The following BRD4 variants were observed in gnomAD, a reference collection of about 807,000 sequenced individuals.
BRD4 encodes the protein bromodomain containing 4, also known as bromodomain-containing protein 4.
In BRD4, 16 loss-of-function variants were observed where a neutral mutation model predicts 142.1. That is an observed-to-expected ratio of 0.11 (90% CI 0.08 to 0.17). The LOEUF (loss-of-function observed/expected upper bound fraction) is 0.17. Ranked by LOEUF, BRD4 falls within the 10% of genes least tolerant of loss-of-function variation. BRD4 has a pLI of 1.00. For missense variants in BRD4, 1,424 were observed against 1,810.9 expected (o/e 0.79, Z 3.88); for synonymous variants, 833 against 707.5 (o/e 1.18, Z -2.82).
intron 2 of BRD4, among the ~76,000 whole-genome samples, chr19:15,270,417 G>C (rs945412277): frequency 3.9e-5 from 6 of 152,194 alleles, no homozygotes; most frequent in African/African-American, 9.7e-5. Flanking sequence ...TGGTCAAGAG[G>C]GGAGACTGGA....
Position 15,265,600 on chromosome 19 carries a change from T to C in BRD4, c.603A>G (p.Gln201=), listed in dbSNP as rs1310310130. 1 of 1,614,030 alleles carries C rather than the reference T, an allele frequency of 6.2e-7. No homozygotes were observed. Among genetic ancestry groups the C allele is most frequent in the African/African-American group, 1.3e-5 (1 of 74,894 alleles). The part of the protein sequence containing the change: ...PGVSTVPNTT[Q]ASTPPQTQTP... ...TCTGGGTCTGCGGAGGAGTCGATGCTTGAGTTGTGTTTGGTACCGTGGAAA... is the reference window on the plus strand; with the variant it reads ...TCTGGGTCTGCGGAGGAGTCGATGCCTGAGTTGTGTTTGGTACCGTGGAAA... Residue 201 remains glutamine, a synonymous_variant, in exon 5 of 20, where the codon CAA becomes CAG. Transcript: ENST00000679869.
intron 1 of BRD4, among the ~76,000 whole-genome samples, chr19:15,329,649 G>A (rs1330546987): frequency 6.6e-6 from 1 of 152,178 alleles, no homozygotes; most frequent in Non-Finnish European, 1.5e-5. Flanking sequence ...TGAGGCAGGA[G>A]ACTCGCTTGA....
intron 11 of BRD4, chr19:15,247,365 T>A (rs2145529358): frequency 4.3e-6 from 1 of 232,050 alleles, no homozygotes; most frequent in Non-Finnish European, 8.5e-6. Flanking sequence ...GAGTGGGCAC[T>A]GTCCTCTCTG....
At chr19:15,318,222 A>C (rs1224948919) in intron 1 of BRD4, among the ~76,000 whole-genome samples, 1 of 152,186 alleles carries the variant, frequency 6.6e-6, no homozygotes, top group Non-Finnish European at 1.5e-5. Context: ...GCCAAGACCA[A>C]TGGTACATGA....
At chr19:15,256,814 C>T (rs1599452757) in intron 8 of BRD4, 150 bp downstream of exon 8, 2 of 678,398 alleles carry the variant, frequency 2.9e-6, no homozygotes, top group Non-Finnish European at 4.9e-6. Context: ...ATGCATTTGA[C>T]CTAGCAAAGG....
chr19:15,324,609 A>G (rs1438369740), intron 1 of BRD4, among the ~76,000 whole-genome samples: 3 of 152,224 alleles, frequency 2.0e-5, no homozygotes, highest in African/African-American at 7.2e-5. Flanking sequence ...ATCAGAGCCA[A>G]TGGAGGCCAG....
chr19:15,260,954 C>G (rs2047463655), intron 7 of BRD4, among the ~76,000 whole-genome samples: 1 of 152,138 alleles, frequency 6.6e-6, no homozygotes, highest in African/African-American at 2.4e-5. Context: ...TTTTTCTTTT[C>G]TTTCTCTTAG....
intron 7 of BRD4, among the ~76,000 whole-genome samples, chr19:15,261,877 A>G (rs1424400887): frequency 1.3e-5 from 2 of 152,158 alleles, no homozygotes; most frequent in Admixed American, 6.5e-5. Flanking sequence ...AAGCAGAATG[A>G]CACCCCGTTT....
At position 15,320,643 on chromosome 19, in the gene BRD4, C is replaced by T. The variant is rs1014521690; in HGVS notation, c.-35+11647G>A. On this transcript the variant is annotated intron_variant, in intron 1 of 19. Transcript: ENST00000679869. Reference sequence around the variant, plus strand: ...TCTCACTCCTGTGCTCCCTTCAGGGCTGTTTTCCCGCCAAACTGGATCATT... The same window carrying T: ...TCTCACTCCTGTGCTCCCTTCAGGGTTGTTTTCCCGCCAAACTGGATCATT... 7.2e-5 allele frequency among the ~76,000 whole-genome samples: 11 copies of T among 152,226 alleles called. 1 individual carries two copies. The highest frequency in any genetic ancestry group is 2.9e-5 in the Non-Finnish European group (2 of 68,038).
intron 11 of BRD4, chr19:15,253,476 C>A: frequency 7.2e-7 from 1 of 1,390,664 alleles, no homozygotes; most frequent in Non-Finnish European, 9.8e-7. Context: ...TGCAGACCCA[C>A]GGGGCTTGAA....
Position 15,239,029 on chromosome 19 carries a change from T to C in BRD4, c.3782+30A>G. On this transcript the variant is annotated intron_variant, in intron 18 of 19. Coordinates refer to ENST00000679869, the MANE Select transcript of BRD4 (RefSeq NM_001379291.1). The surrounding 1 kb of genome is among the most constrained non-coding windows in gnomAD (Gnocchi z 7.4). ...CTGGGGACTGGTGTGGCCCCAAGAG[T>C]CCCCATGCCCCACCCAGACACCCGC... 1.9e-6 allele frequency: 3 copies of C among 1,576,984 alleles called. No individual in the cohort carries two copies. Among genetic ancestry groups the C allele is most frequent in the Non-Finnish European group, 2.6e-6 (3 of 1,165,124 alleles).
chr19:15,291,546 T>C (rs1313887451), intron 1 of BRD4, among the ~76,000 whole-genome samples: 1 of 152,222 alleles, frequency 6.6e-6, no homozygotes, highest in African/African-American at 2.4e-5. Context: ...TAATCTCTTC[T>C]CATTGCCTCC....
chr19:15,287,738 G>A (rs1280678046), intron 1 of BRD4, among the ~76,000 whole-genome samples: 2 of 151,652 alleles, frequency 1.3e-5, no homozygotes, highest in Non-Finnish European at 2.9e-5. Flanking sequence ...TTGGCATAAC[G>A]TCTTCTAGGT....
intron 1 of BRD4, among the ~76,000 whole-genome samples, chr19:15,276,574 C>T (rs535942954): frequency 2.6e-5 from 4 of 152,238 alleles, no homozygotes; most frequent in African/African-American, 7.2e-5. Flanking sequence ...CATGGTCAGC[C>T]CCCTAGGAAC....
chr19:15,322,907 G>A (rs1415789226), intron 1 of BRD4, among the ~76,000 whole-genome samples: 3 of 134,822 alleles, frequency 2.2e-5, no homozygotes, highest in East Asian at 2.2e-4. Context: ...AAAATTAGCC[G>A]GGTGTGGTGG....
chr19:15,322,309 T>A (rs1047850556), intron 1 of BRD4, among the ~76,000 whole-genome samples: 1 of 152,242 alleles, frequency 6.6e-6, no homozygotes, highest in Non-Finnish European at 1.5e-5. Flanking sequence ...TCTCGCTCTG[T>A]CGCCCAGGCT....
intron 1 of BRD4, among the ~76,000 whole-genome samples, chr19:15,312,768 T>G (rs973207866): frequency 1.3e-5 from 2 of 151,908 alleles, no homozygotes; most frequent in Non-Finnish European, 2.9e-5. Context: ...AAACCCCATC[T>G]CTACTAAAAA....
chr19:15,249,915 C>T (rs182593700), intron 11 of BRD4, among the ~76,000 whole-genome samples: 1 of 152,168 alleles, frequency 6.6e-6, no homozygotes, highest in Non-Finnish European at 1.5e-5. Context: ...CTATTATATA[C>T]ACTGTTGAGG....
intron 11 of BRD4, among the ~76,000 whole-genome samples, chr19:15,245,367 C>G (rs1027745790): frequency 2.6e-5 from 4 of 151,994 alleles, no homozygotes; most frequent in African/African-American, 9.7e-5. Flanking sequence ...AGGGAAAACA[C>G]AGAGAGCCCA....
Sources: allele counts gnomAD v4.1 joint callset (sites outside exome capture counted in the v4.1 genomes callset), GRCh38; gene constraint gnomAD v4.1.1; non-coding constraint Gnocchi (gnomAD v3.1); transcripts MANE v1.5; gene names NCBI Gene and HGNC (gene_info 2026-07-23, HGNC 2026-07-21).